The following CTNNA3 variants were observed in gnomAD, a reference collection of about 807,000 sequenced individuals.
CTNNA3 encodes catenin alpha 3.
A neutral mutation model predicts 95.7 loss-of-function variants in CTNNA3; 76 were observed. The ratio of observed to expected loss-of-function variants is 0.79; its 90% CI spans 0.66 to 0.96. CTNNA3 has a LOEUF of 0.96. Among genes scored for constraint, CTNNA3 ranks in the 40% least tolerant of loss-of-function variants. CTNNA3 has a pLI of 0.00. For synonymous variants in CTNNA3, 431 were observed against 374.4 expected (o/e 1.15, Z -1.74); for missense variants, 1,191 against 1,089.8 (o/e 1.09, Z -1.31).
At chr10:67,697,198 T>C (rs1424912390), upstream of CTNNA3, among the ~76,000 whole-genome samples, 1 of 152,218 alleles carries the variant, frequency 6.6e-6, no homozygotes, top group Non-Finnish European at 1.5e-5. Flanking sequence ...TGGGCATAAT[T>C]GACAATATAT....
At chr10:66,757,978 C>G (rs1197309994) in intron 9 of CTNNA3, among the ~76,000 whole-genome samples, 1 of 152,102 alleles carries the variant, frequency 6.6e-6, no homozygotes, top group African/African-American at 2.4e-5. Flanking sequence ...AAGTATTTTG[C>G]ATGATTTTGG....
At chr10:67,602,072 G>C (rs554767035) in intron 3 of CTNNA3, among the ~76,000 whole-genome samples, 72 of 151,990 alleles carry the variant, frequency 4.7e-4, no homozygotes, top group Middle Eastern at 3.4e-3. Context: ...TTAAAAATAA[G>C]TCAATAAATA....
intron 6 of CTNNA3, among the ~76,000 whole-genome samples, chr10:67,199,100 CAGGAT>C (rs143501827): frequency 0.011 from 1,652 of 151,698 alleles, 28 homozygotes; most frequent in African/African-American, 0.038. Flanking sequence ...AGGGGACTGA[CAGGAT>C]AGAAGAGGAG....
intron 7 of CTNNA3, among the ~76,000 whole-genome samples, chr10:66,784,366 C>G (rs1306449541): frequency 6.6e-6 from 1 of 151,910 alleles, no homozygotes; most frequent in East Asian, 1.9e-4. Flanking sequence ...TATAGCAGTC[C>G]TCTTAGCCTA....
intron 12 of CTNNA3, among the ~76,000 whole-genome samples, chr10:66,344,164 T>C (rs1451983518): frequency 2.7e-5 from 4 of 146,718 alleles, no homozygotes; most frequent in Non-Finnish European, 6.0e-5. Flanking sequence ...GAGGCAGAGG[T>C]TGTAGTGAGC....
At chr10:66,936,438 A>G (rs1393924911) in intron 7 of CTNNA3, among the ~76,000 whole-genome samples, 1 of 151,540 alleles carries the variant, frequency 6.6e-6, no homozygotes, top group Non-Finnish European at 1.5e-5. Context: ...CTATTTTCCT[A>G]TTTCTAATAG....
intron 16 of CTNNA3, among the ~76,000 whole-genome samples, chr10:65,979,628 C>T (rs539478670): frequency 1.1e-3 from 167 of 152,166 alleles, no homozygotes; most frequent in African/African-American, 3.6e-3. Context: ...CTCCTTCCAC[C>T]TAGACCCTAA....
At chr10:66,266,532 C>T (rs931885643) in intron 13 of CTNNA3, among the ~76,000 whole-genome samples, 1 of 151,986 alleles carries the variant, frequency 6.6e-6, no homozygotes, top group Non-Finnish European at 1.5e-5. Flanking sequence ...TTACTTCTGT[C>T]AATTTAACAC....
chr10:66,108,728 CAATTTTTCTATTTCTTAGCTG>C (rs1182346508), intron 13 of CTNNA3, among the ~76,000 whole-genome samples: 1 of 152,026 alleles, frequency 6.6e-6, no homozygotes, highest in Non-Finnish European at 1.5e-5. Flanking sequence ...TAGTATGTCT[CAATTTTTCTATTTCTTAGCTG>C]AATAAAGGAG....
intron 7 of CTNNA3, among the ~76,000 whole-genome samples, chr10:67,142,023 T>C (rs1273002656): frequency 6.6e-6 from 1 of 152,168 alleles, no homozygotes; most frequent in African/African-American, 2.4e-5. Flanking sequence ...ATGCAATTTT[T>C]CCATATGCTT....
intron 9 of CTNNA3, among the ~76,000 whole-genome samples, chr10:66,671,565 T>C (rs1846662210): frequency 6.6e-6 from 1 of 152,206 alleles, no homozygotes; most frequent in Non-Finnish European, 1.5e-5. Context: ...GAATTTTCTG[T>C]TACTTTTCTT....
intron 15 of CTNNA3, among the ~76,000 whole-genome samples, chr10:66,017,916 T>C (rs1231274222): frequency 6.6e-6 from 1 of 152,094 alleles, no homozygotes; most frequent in Admixed American, 6.6e-5. Context: ...TTTCATATCC[T>C]ATACGGCCTC....
At chr10:66,134,261 T>A (rs2083252875) in intron 13 of CTNNA3, among the ~76,000 whole-genome samples, 1 of 152,026 alleles carries the variant, frequency 6.6e-6, no homozygotes, top group South Asian at 2.1e-4. Context: ...AGCAAAAAAT[T>A]TAAAATCTTA....
At chr10:65,922,440 C>G (rs923496976) in intron 17 of CTNNA3, among the ~76,000 whole-genome samples, 13 of 152,048 alleles carry the variant, frequency 8.5e-5, no homozygotes, top group African/African-American at 3.1e-4. Flanking sequence ...TTATAGGCCC[C>G]AAACCATTTA....
chr10:67,212,365 A>G (rs1044093081), intron 6 of CTNNA3, among the ~76,000 whole-genome samples: 17 of 151,966 alleles, frequency 1.1e-4, no homozygotes, highest in African/African-American at 3.9e-4. Flanking sequence ...CTGTAACACT[A>G]GAAATGTGTT....
At chr10:66,097,016 C>T (rs558889434) in intron 14 of CTNNA3, among the ~76,000 whole-genome samples, 1 of 152,254 alleles carries the variant, frequency 6.6e-6, no homozygotes, top group South Asian at 2.1e-4. Context: ...GGTGATGTTG[C>T]ATTAACAAGA....
chr10:66,178,440 T>TACAC (rs1554880300), intron 13 of CTNNA3, among the ~76,000 whole-genome samples: 3 of 105,748 alleles, frequency 2.8e-5, no homozygotes, highest in African/African-American at 1.1e-4. Context: ...TATATATATA[T>TACAC]ATACACACAC....
intron 5 of CTNNA3, among the ~76,000 whole-genome samples, chr10:67,350,226 C>T (rs1177639581): frequency 6.6e-6 from 1 of 152,072 alleles, no homozygotes; most frequent in Non-Finnish European, 1.5e-5. Context: ...GTCAGAGTCT[C>T]TGCCCTTAAC....
chr10:66,943,059 G>A (rs1412613648), intron 7 of CTNNA3, among the ~76,000 whole-genome samples: 1 of 152,174 alleles, frequency 6.6e-6, no homozygotes, highest in African/African-American at 2.4e-5. Flanking sequence ...AATAGGAAAA[G>A]CACTGAGTTA....
Sources: gnomAD v4.1 joint callset for allele counts (sites outside exome capture counted in the v4.1 genomes callset) on GRCh38, gnomAD v4.1.1 for gene constraint, MANE v1.5 for transcripts, NCBI Gene and HGNC (gene_info 2026-07-23, HGNC 2026-07-21) for gene names.